The following GRIA2 variants were observed in gnomAD, a reference collection of about 807,000 sequenced individuals.
GRIA2 encodes glutamate receptor 2.
A neutral mutation model predicts 97.3 loss-of-function variants in GRIA2; 14 were observed. That is an observed-to-expected ratio of 0.14 (90% CI 0.10 to 0.23). GRIA2 has a LOEUF of 0.23. Ranked by LOEUF, GRIA2 falls within the 10% of genes least tolerant of loss-of-function variation. The pLI is 1.00. For missense variants in GRIA2, 558 were observed against 1,069.8 expected (o/e 0.52, Z 6.67); for synonymous variants, 412 against 387.8 (o/e 1.06, Z -0.73).
intron 2 of GRIA2, among the ~76,000 whole-genome samples, chr4:157,224,849 TC>T: frequency 6.6e-6 from 1 of 152,214 alleles, no homozygotes; most frequent in South Asian, 2.1e-4. Flanking sequence ...ACATCTTTTT[TC>T]CCATTTCCTC....
At chr4:157,328,688 T>G (rs974115629) in intron 6 of GRIA2, among the ~76,000 whole-genome samples, 1 of 152,098 alleles carries the variant, frequency 6.6e-6, no homozygotes, top group African/African-American at 2.4e-5. Flanking sequence ...ATCTGAAAAT[T>G]TGAATTCTTA....
At chr4:157,279,865 C>G (rs1183932214) in intron 2 of GRIA2, among the ~76,000 whole-genome samples, 1 of 152,166 alleles carries the variant, frequency 6.6e-6, no homozygotes, top group African/African-American at 2.4e-5. Context: ...TGGCTCACCC[C>G]TGTAATCTCA....
intron 4 of GRIA2, among the ~76,000 whole-genome samples, chr4:157,314,943 A>AAATGTACAC (rs1179557036): frequency 1.3e-5 from 2 of 152,204 alleles, no homozygotes; most frequent in Non-Finnish European, 2.9e-5. Flanking sequence ...TTAGAGATAA[A>AAATGTACAC]AATGTACACA....
intron 2 of GRIA2, among the ~76,000 whole-genome samples, chr4:157,286,163 AT>A (rs1732837404): frequency 6.6e-6 from 1 of 151,584 alleles, no homozygotes; most frequent in African/African-American, 2.4e-5. Flanking sequence ...AGAAACTATC[AT>A]TATCTCATTT....
chr4:157,270,948 T>A (rs1190500518), intron 2 of GRIA2, among the ~76,000 whole-genome samples: 1 of 151,720 alleles, frequency 6.6e-6, no homozygotes, highest in African/African-American at 2.4e-5. Context: ...CATTGTACAT[T>A]TTTAATGAGC....
Position 157,364,818 on chromosome 4 carries a change from A to T in GRIA2, c.*1387A>T, listed in dbSNP as rs1423849842. The T allele has an allele frequency of 6.6e-6, 1 of 151,986 alleles. No homozygotes were observed. The highest frequency in any genetic ancestry group is 1.5e-5 in the Non-Finnish European group (1 of 67,764). The allele number at this position is 151,986 out of a possible 1,614,324, so 9.4% of individuals were successfully genotyped here. Reference sequence around the variant, plus strand: ...ATTGACATCAATTAAAAATAACCCTAATATATTATTTTTATATTTATTCCT... The same window carrying T: ...ATTGACATCAATTAAAAATAACCCTTATATATTATTTTTATATTTATTCCT... On this transcript the variant is annotated 3_prime_UTR_variant, in exon 16 of 16. Transcript: ENST00000264426.
At chr4:157,352,912 A>C (rs999303164) in intron 12 of GRIA2, among the ~76,000 whole-genome samples, 1 of 151,632 alleles carries the variant, frequency 6.6e-6, no homozygotes, top group African/African-American at 2.4e-5. Flanking sequence ...CACAAAAATT[A>C]GTTAGGCGTG....
rs577886434 is a variant in GRIA2 at position 157,342,485 on chromosome 4, A to G, written c.2043+1023A>G. 1.1e-5 allele frequency: 11 copies of G among 981,586 alleles called. No homozygotes were observed. The South Asian group carries it at 1.4e-4, about 13-fold the overall frequency. The allele number at this position is 981,586 out of a possible 1,614,324, so 60.8% of individuals were successfully genotyped here. A position where few individuals can be genotyped will look rare whatever the true frequency, so the allele number is the denominator to read the frequency against. On this transcript the variant is annotated intron_variant, in intron 12 of 15. Transcript: ENST00000264426. ...TGATGAATTAATTAGGTACCTCAAT[A>G]TAAGTGCAAAAATGTGGACCATCAG...
At chr4:157,357,061 TA>T (rs1376003274) in intron 12 of GRIA2, among the ~76,000 whole-genome samples, 1 of 152,162 alleles carries the variant, frequency 6.6e-6, no homozygotes, top group African/African-American at 2.4e-5. Flanking sequence ...TTCTGCTGGT[TA>T]CTTTTTTATT....
At chr4:157,322,242 AGT>A (rs35080512) in intron 6 of GRIA2, among the ~76,000 whole-genome samples, 76,120 of 136,506 alleles carry the variant, frequency 0.56, 20,757 homozygotes, top group Non-Finnish European at 0.63. Flanking sequence ...AGAGAGAGAG[AGT>A]GTGTGTGTGT....
intron 2 of GRIA2, among the ~76,000 whole-genome samples, chr4:157,292,917 A>G (rs1210242744): frequency 6.6e-6 from 1 of 152,162 alleles, no homozygotes; most frequent in African/African-American, 2.4e-5. Flanking sequence ...GCTTTACAGT[A>G]TAACAAATTT....
intron 5 of GRIA2, among the ~76,000 whole-genome samples, chr4:157,318,551 A>C (rs150647707): frequency 2.0e-5 from 3 of 152,304 alleles, no homozygotes; most frequent in African/African-American, 7.2e-5. Context: ...AACCTTTTAC[A>C]ATTAAAAAAG....
chr4:157,290,720 A>G (rs548715793), intron 2 of GRIA2, among the ~76,000 whole-genome samples: 5 of 151,924 alleles, frequency 3.3e-5, no homozygotes, highest in South Asian at 2.1e-4. Flanking sequence ...AAATCAGAAC[A>G]TATGCTTTGA....
chr4:157,357,572 A>AC (rs1159598463), intron 12 of GRIA2, among the ~76,000 whole-genome samples: 2 of 152,130 alleles, frequency 1.3e-5, no homozygotes, highest in Non-Finnish European at 2.9e-5. Flanking sequence ...ATCTACAATT[A>AC]CATCATAAAA....
intron 6 of GRIA2, among the ~76,000 whole-genome samples, chr4:157,331,099 C>A (rs1454346696): frequency 1.3e-5 from 2 of 151,832 alleles, no homozygotes; most frequent in Non-Finnish European, 2.9e-5. Context: ...TTCTCTCAAC[C>A]CAGAATTGTG....
At chr4:157,340,518 A>G (rs368647446) in intron 11 of GRIA2, among the ~76,000 whole-genome samples, 4 of 152,092 alleles carry the variant, frequency 2.6e-5, no homozygotes, top group Middle Eastern at 3.4e-3. Flanking sequence ...TTATACATCA[A>G]ACTAGAAATT....
intron 3 of GRIA2, 59 bp downstream of exon 3, chr4:157,303,850 C>T: frequency 1.3e-5 from 20 of 1,531,836 alleles, no homozygotes; most frequent in South Asian, 2.3e-5. Flanking sequence ...ACACTTGACA[C>T]TTCTATGGAT....
At chr4:157,321,320 T>G (rs1473268882) in intron 5 of GRIA2, 118 bp from the exon 6 acceptor site, 3 of 705,854 alleles carry the variant, frequency 4.3e-6, no homozygotes, top group Admixed American at 2.6e-5. Flanking sequence ...GCAGGCTTAT[T>G]ATATCTCATA....
chr4:157,235,584 T>A (rs1044721053), intron 2 of GRIA2, among the ~76,000 whole-genome samples: 1 of 152,112 alleles, frequency 6.6e-6, no homozygotes, highest in Non-Finnish European at 1.5e-5. Flanking sequence ...GCCATCATCT[T>A]AAATACTGAT....
Sources: allele counts gnomAD v4.1 joint callset (sites outside exome capture counted in the v4.1 genomes callset), GRCh38; gene constraint gnomAD v4.1.1; transcripts MANE v1.5; gene names NCBI Gene and HGNC (gene_info 2026-07-23, HGNC 2026-07-21).